ACACA: variants seen among roughly 807,000 people sequenced by gnomAD.
ACACA encodes the protein acetyl-CoA carboxylase alpha, also known as acetyl-CoA carboxylase 1.
A neutral mutation model predicts 296.1 loss-of-function variants in ACACA; 103 were observed. The observed-to-expected ratio is 0.35, with a 90% confidence interval of 0.30 to 0.41. The LOEUF (loss-of-function observed/expected upper bound fraction) is 0.41. ACACA is among the 10% of genes least tolerant of loss of function. The probability of loss-of-function intolerance (pLI) is 1.00; values close to 1 mark genes in which losing one functional copy is unlikely to be tolerated. For missense variants in ACACA, 1,554 were observed against 2,989.7 expected, an observed-to-expected ratio of 0.52 and a Z score of 11.20; for synonymous variants, 953 against 1,038.6, an observed-to-expected ratio of 0.92 and a Z score of 1.58.
At chr17:37,146,564 G>C (rs1023315040) in intron 45 of ACACA, among the ~76,000 whole-genome samples, 1 of 150,210 alleles carries the variant, frequency 6.7e-6, no homozygotes, top group Admixed American at 6.7e-5. Flanking sequence ...TGCTGCCTGG[G>C]GCTCCATGCT....
chr17:37,315,187 A>G (rs1440507680), intron 3 of ACACA, among the ~76,000 whole-genome samples: 1 of 151,674 alleles, frequency 6.6e-6, no homozygotes, highest in Non-Finnish European at 1.5e-5. Flanking sequence ...CGAACTCCCG[A>G]CCTTAGGTGA....
At chr17:37,139,446 T>C (rs530416302) in intron 45 of ACACA, among the ~76,000 whole-genome samples, 1 of 152,336 alleles carries the variant, frequency 6.6e-6, no homozygotes, top group South Asian at 2.1e-4. Context: ...CCAGAGACTG[T>C]TCACTGAGGC....
In ACACA at chr17:37,248,002, G is replaced by A; in HGVS notation, c.2309+9C>T. The A allele has an allele frequency of 4.3e-6, 7 of 1,613,762 alleles. No individual in the cohort carries two copies. Among genetic ancestry groups the A allele is most frequent in the Non-Finnish European group, 5.9e-6 (7 of 1,179,982 alleles). On this transcript the variant is annotated intron_variant, in intron 18 of 55. Coordinates refer to ENST00000616317, the MANE Select transcript of ACACA (RefSeq NM_198834.3). ...ATGACCAGCAAATGGACCTCAAACAGCCACTTACCTATCCACTTCCTCTTT... is the reference window on the plus strand; with the variant it reads ...ATGACCAGCAAATGGACCTCAAACAACCACTTACCTATCCACTTCCTCTTT...
At chr17:37,386,033 G>A (rs1568088070) in intron 1 of ACACA, 2 of 1,599,666 alleles carry the variant, frequency 1.3e-6, no homozygotes, top group Non-Finnish European at 1.7e-6. Flanking sequence ...ATCTCACAAT[G>A]TAAAGTCCTG....
intron 3 of ACACA, among the ~76,000 whole-genome samples, chr17:37,304,236 C>T (rs777562465): frequency 3.2e-4 from 48 of 152,034 alleles, no homozygotes; most frequent in Non-Finnish European, 5.9e-4. Flanking sequence ...GAGTCTTGCT[C>T]TTTTGCCCAG....
chr17:37,264,713 T>C (rs553789104), intron 10 of ACACA, among the ~76,000 whole-genome samples: 1 of 152,332 alleles, frequency 6.6e-6, no homozygotes, highest in African/African-American at 2.4e-5. Context: ...TCCATTCTCT[T>C]TCTCTTCTCC....
At chr17:37,330,471 T>A (rs1338342520) in intron 2 of ACACA, 46 bp from the exon 3 acceptor site, 1 of 1,610,602 alleles carries the variant, frequency 6.2e-7, no homozygotes, top group East Asian at 2.2e-5. Context: ...TGAATAATAA[T>A]CTATATCTGA....
chr17:37,220,262 T>TA (rs1012383743), intron 29 of ACACA, among the ~76,000 whole-genome samples: 1 of 151,206 alleles, frequency 6.6e-6, no homozygotes, highest in Admixed American at 6.6e-5. Context: ...TATCCTCAAA[T>TA]AAAAAAAAGT....
intron 3 of ACACA, among the ~76,000 whole-genome samples, chr17:37,314,501 A>G (rs1227422123): frequency 6.6e-6 from 1 of 152,092 alleles, no homozygotes; most frequent in East Asian, 1.9e-4. Context: ...GCATTGTTCT[A>G]AGCTCTGAAA....
At chr17:37,248,275 C>T (rs1243367690) in intron 17 of ACACA, 119 bp from the exon 18 acceptor site, 2 of 1,274,162 alleles carry the variant, frequency 1.6e-6, no homozygotes, top group Non-Finnish European at 2.2e-6. Flanking sequence ...ATTCATGGCA[C>T]TGATGCTATT....
intron 3 of ACACA, among the ~76,000 whole-genome samples, chr17:37,310,781 G>A (rs535045259): frequency 1.1e-3 from 132 of 121,878 alleles, no homozygotes; most frequent in African/African-American, 3.6e-3. Flanking sequence ...GCAACAGAGC[G>A]AGACACCATC....
At position 37,348,701 on chromosome 17, in the gene ACACA, G is replaced by A. The variant is rs151288950; in HGVS notation, c.39-8851C>T. Reference sequence around the variant, plus strand: ...TTACAAACACCAATGCTATACGGGCGCGGTAATTCCAGCACTTTGGGAGGC... The same window carrying A: ...TTACAAACACCAATGCTATACGGGCACGGTAATTCCAGCACTTTGGGAGGC... On this transcript the variant is annotated intron_variant, in intron 1 of 55. Coordinates refer to ENST00000616317, the MANE Select transcript of ACACA (RefSeq NM_198834.3). Among the ~76,000 whole-genome samples the A allele has an allele frequency of 2.6e-4, 39 of 152,072 alleles. No individual in the cohort carries two copies. The East Asian group carries it at 6.4e-3, about 25-fold the overall frequency.
chr17:37,402,031 G>A (rs916393020), intron 1 of ACACA, among the ~76,000 whole-genome samples: 3 of 152,138 alleles, frequency 2.0e-5, no homozygotes, highest in African/African-American at 7.2e-5. Context: ...ATGAATGAAA[G>A]GGCATGAAGA....
intron 41 of ACACA, among the ~76,000 whole-genome samples, chr17:37,168,460 A>T (rs1483102466): frequency 6.6e-6 from 1 of 152,054 alleles, no homozygotes; most frequent in Non-Finnish European, 1.5e-5. Context: ...TCACTGGGTG[A>T]TAGGTACATG....
chr17:37,095,533 CA>C (rs2072933137), intron 54 of ACACA, among the ~76,000 whole-genome samples: 1 of 152,190 alleles, frequency 6.6e-6, no homozygotes, highest in African/African-American at 2.4e-5. Flanking sequence ...GAACGATTAG[CA>C]GAGGCTTCAG....
intron 45 of ACACA, among the ~76,000 whole-genome samples, chr17:37,146,733 G>A (rs1163416125): frequency 6.6e-6 from 1 of 151,336 alleles, no homozygotes; most frequent in Non-Finnish European, 1.5e-5. Context: ...AGGGGGGAGA[G>A]AGAGAGAGAG....
intron 1 of ACACA, chr17:37,377,741 G>C: frequency 4.0e-6 from 2 of 500,550 alleles, no homozygotes; most frequent in Non-Finnish European, 7.2e-6. Context: ...GATCTCCCAA[G>C]TTGCAAGTTT....
intron 1 of ACACA, among the ~76,000 whole-genome samples, chr17:37,358,083 T>C (rs1275900357): frequency 6.6e-6 from 1 of 152,192 alleles, no homozygotes; most frequent in Non-Finnish European, 1.5e-5. Flanking sequence ...GGGTCTTTTT[T>C]TTTATTCCAG....
intron 1 of ACACA, among the ~76,000 whole-genome samples, chr17:37,405,855 C>CTT (rs3049528): frequency 0.063 from 3,365 of 53,534 alleles, 532 homozygotes; most frequent in East Asian, 0.3. Flanking sequence ...CCCGGCAGGG[C>CTT]TTTTTTTTTT....
Sources: gnomAD v4.1 joint callset for allele counts (sites outside exome capture counted in the v4.1 genomes callset) on GRCh38, gnomAD v4.1.1 for gene constraint, MANE v1.5 for transcripts, NCBI Gene and HGNC (gene_info 2026-07-23, HGNC 2026-07-21) for gene names.